Variants in TEC observed in about 807,000 individuals in gnomAD.
TEC encodes tec protein tyrosine kinase, also known as tyrosine-protein kinase Tec.
In TEC, 72 loss-of-function variants were observed where a neutral mutation model predicts 93.0. The ratio of observed to expected loss-of-function variants is 0.77; its 90% CI spans 0.64 to 0.94. The LOEUF (loss-of-function observed/expected upper bound fraction) is 0.94, where lower values mean the gene tolerates loss of function less well. Ranked by LOEUF, TEC falls within the 40% of genes least tolerant of loss-of-function variation. TEC has a pLI of 0.00. For synonymous variants in TEC, 249 were observed against 247.7 expected (o/e 1.01, Z -0.05); for missense variants, 630 against 757.9 (o/e 0.83, Z 1.98).
chr4:48,217,944 C>A (rs1218707314), intron 2 of TEC, among the ~76,000 whole-genome samples: 3 of 137,014 alleles, frequency 2.2e-5, no homozygotes, highest in Admixed American at 7.7e-5. Context: ...AAATAGATTT[C>A]AGCTTCCTAG....
chr4:48,253,224 G>C (rs1284290169), intron 1 of TEC, among the ~76,000 whole-genome samples: 2 of 152,168 alleles, frequency 1.3e-5, no homozygotes, highest in Non-Finnish European at 2.9e-5. Context: ...TAAGTAACTT[G>C]ATTCATACCT....
chr4:48,262,503 T>C (rs1409606109), intron 1 of TEC, among the ~76,000 whole-genome samples: 1 of 152,058 alleles, frequency 6.6e-6, no homozygotes, highest in Non-Finnish European at 1.5e-5. Flanking sequence ...GGCCCAAATA[T>C]CATTTTTTCT....
rs539486308 is a variant in TEC, at chr4:48,229,811, C to T, written c.-45-1152G>A. On this transcript the variant is annotated intron_variant, in intron 1 of 17. Coordinates refer to ENST00000381501, the MANE Select transcript of TEC (RefSeq NM_003215.3). The stretch of plus-strand genomic sequence containing the variant: ...TAAATAGGCTGAGCGTGGTGGCTCA[C>T]GCCTGTAATCCCAGCACTTTGGGAG... Among the ~76,000 whole-genome samples the T allele has an allele frequency of 2.9e-4, 44 of 151,716 alleles. 1 individual carries two copies. The highest frequency in any genetic ancestry group is 9.4e-4 in the African/African-American group (39 of 41,318).
At chr4:48,186,652 C>T (rs1364964822) in intron 2 of TEC, among the ~76,000 whole-genome samples, 8 of 145,608 alleles carry the variant, frequency 5.5e-5, no homozygotes, top group East Asian at 2.1e-4. Flanking sequence ...GGAGCCCCTG[C>T]GCCTGGCAGC....
intron 2 of TEC, among the ~76,000 whole-genome samples, chr4:48,182,806 T>C (rs1721645003): frequency 6.6e-6 from 1 of 152,094 alleles, no homozygotes; most frequent in South Asian, 2.1e-4. Context: ...ATTTTAATAA[T>C]ACAAATATCC....
At chr4:48,257,502 T>C (rs1307161654) in intron 1 of TEC, among the ~76,000 whole-genome samples, 5 of 152,172 alleles carry the variant, frequency 3.3e-5, no homozygotes, top group Admixed American at 3.3e-4. Flanking sequence ...TCAGCAGACT[T>C]CTGGACTCCA....
intron 7 of TEC, among the ~76,000 whole-genome samples, chr4:48,166,253 A>G (rs1255493621): frequency 6.6e-6 from 1 of 151,928 alleles, no homozygotes; most frequent in Admixed American, 6.6e-5. Context: ...TAGCCCCCCC[A>G]GAGCCAGCTT....
chr4:48,190,586 A>T (rs1722058777), intron 2 of TEC, among the ~76,000 whole-genome samples: 2 of 152,366 alleles, frequency 1.3e-5, no homozygotes, highest in South Asian at 4.1e-4. Flanking sequence ...GACGAATCAA[A>T]GTTCCCAAAG....
At chr4:48,179,187 T>C (rs1054528234) in intron 2 of TEC, among the ~76,000 whole-genome samples, 1 of 151,672 alleles carries the variant, frequency 6.6e-6, no homozygotes, top group Non-Finnish European at 1.5e-5. Context: ...AGCCGCAGAA[T>C]TGGGCCAGGT....
intron 2 of TEC, among the ~76,000 whole-genome samples, chr4:48,198,434 C>T (rs1722378323): frequency 6.6e-6 from 1 of 152,254 alleles, no homozygotes; most frequent in Admixed American, 6.5e-5. Context: ...TCCAGCTACC[C>T]TGCATTTCCC....
Position 48,167,783 on chromosome 4 carries a change from T to G in TEC, c.666A>C (p.Lys222Asn). ...CACATAGAGGGAATACTTACCCATA[T>G]TTATCTCTTGCTCTCCACCAATGAA... ...NDVHWWRARD[K>N]YGNEGYIPSN... is the part of the protein sequence containing the mutation. Residue 222 changes from lysine (K) to asparagine (N), a missense_variant, in exon 7 of 18, where the codon AAA (lysine) becomes AAC (asparagine). Coordinates refer to ENST00000381501, the MANE Select transcript of TEC (RefSeq NM_003215.3). 6.2e-7 allele frequency: 1 copy of G among 1,613,662 alleles called. No homozygotes were observed. The highest frequency in any genetic ancestry group is 8.5e-7 in the Non-Finnish European group (1 of 1,179,708).
At chr4:48,200,814 ATC>A (rs1185535529) in intron 2 of TEC, among the ~76,000 whole-genome samples, 16 of 152,200 alleles carry the variant, frequency 1.1e-4, no homozygotes, top group African/African-American at 3.1e-4. Context: ...GGCTGGAGCC[ATC>A]TTTGGCAAAA....
rs920245791 is a variant in TEC at position 48,170,073 on chromosome 4, A to C, written c.454+175T>G. Among the ~76,000 whole-genome samples the C allele has an allele frequency of 2.0e-5, 3 of 152,232 alleles. No individual in the cohort carries two copies. The South Asian group carries it at 6.2e-4, about 32-fold the overall frequency. Reference sequence around the variant, plus strand: ...TTCCCAAAATAGACCTTCTGATTCCACGAGAAGGTCTCACTGTAACTAAAT... The same window carrying C: ...TTCCCAAAATAGACCTTCTGATTCCCCGAGAAGGTCTCACTGTAACTAAAT... On this transcript the variant is annotated intron_variant, in intron 5 of 17. Transcript: ENST00000381501.
At chr4:48,252,197 T>C (rs1489714685) in intron 1 of TEC, among the ~76,000 whole-genome samples, 1 of 152,112 alleles carries the variant, frequency 6.6e-6, no homozygotes, top group African/African-American at 2.4e-5. Context: ...CTTCACAGAG[T>C]TGTAAGAATT....
At position 48,148,523 on chromosome 4, in the gene TEC, A is replaced by G. The variant is rs564156965; in HGVS notation, c.1006+1034T>C. 2.8e-4 allele frequency among the ~76,000 whole-genome samples: 43 copies of G among 152,254 alleles called. No homozygotes were observed. In the South Asian group the frequency reaches 8.1e-3, roughly 29 times the overall value. On this transcript the variant is annotated intron_variant, in intron 11 of 17. Coordinates refer to ENST00000381501, the MANE Select transcript of TEC (RefSeq NM_003215.3). Reference sequence around the variant, plus strand: ...TGGTGGTAAGTGTACCAGAGATTCAAGACGGTTAACTTGTGGGACATGATT... The same window carrying G: ...TGGTGGTAAGTGTACCAGAGATTCAGGACGGTTAACTTGTGGGACATGATT...
intron 1 of TEC, among the ~76,000 whole-genome samples, chr4:48,232,672 A>G (rs2704405): frequency 0.77 from 117,903 of 152,230 alleles, 46,545 homozygotes; most frequent in African/African-American, 0.93. Flanking sequence ...TGCACACTTC[A>G]CATTGGCTCC....
intron 2 of TEC, among the ~76,000 whole-genome samples, chr4:48,194,502 T>A (rs969768343): frequency 3.9e-5 from 6 of 152,214 alleles, no homozygotes; most frequent in Admixed American, 3.9e-4. Context: ...AAACTGCATA[T>A]AATGGCAGCT....
In TEC at chr4:48,146,285, C is replaced by T. The variant is rs1719902950; in HGVS notation, c.1081+40G>A. Reference sequence around the variant, plus strand: ...TTATCTTATGACAATGGATTCTTTTCAAGGAAAATTAGCTCATGCAACCAC... The same window carrying T: ...TTATCTTATGACAATGGATTCTTTTTAAGGAAAATTAGCTCATGCAACCAC... On this transcript the variant is annotated intron_variant, in intron 12 of 17. Transcript: ENST00000381501. 3 of 1,582,446 alleles carry T rather than the reference C, an allele frequency of 1.9e-6. 1 individual carries two copies. In the African/African-American group the frequency reaches 4.1e-5, roughly 21 times the overall value.
intron 1 of TEC, among the ~76,000 whole-genome samples, chr4:48,235,272 G>T (rs1453521995): frequency 1.3e-5 from 2 of 152,188 alleles, no homozygotes; most frequent in Admixed American, 1.3e-4. Context: ...TAGCATGGGT[G>T]ACTCCATTTC....
Sources: gnomAD v4.1 joint callset for allele counts (sites outside exome capture counted in the v4.1 genomes callset) on GRCh38, gnomAD v4.1.1 for gene constraint, MANE v1.5 for transcripts, NCBI Gene and HGNC (gene_info 2026-07-23, HGNC 2026-07-21) for gene names.